Variants in ZCCHC14 observed in about 807,000 individuals in gnomAD.
The protein encoded by ZCCHC14 is zinc finger CCHC domain-containing protein 14.
ZCCHC14 carries 16 observed loss-of-function variants against 85.0 expected under a neutral mutation model. That is an observed-to-expected ratio of 0.19 (90% CI 0.13 to 0.29). The LOEUF (loss-of-function observed/expected upper bound fraction) is 0.29. Among genes scored for constraint, ZCCHC14 ranks in the 10% least tolerant of loss-of-function variants. The pLI, the probability that ZCCHC14 is intolerant of heterozygous loss-of-function variation, is 1.00. For missense variants in ZCCHC14, 1,303 were observed against 1,443.5 expected, an observed-to-expected ratio of 0.90 and a Z score of 1.58; for synonymous variants, 775 against 630.7, an observed-to-expected ratio of 1.23 and a Z score of -3.43.
In ZCCHC14 at chr16:87,409,748, C is replaced by G. The variant is rs934852484; in HGVS notation, c.*532G>C. ...TCTCAGAGGAGTTTGGCTCCCAGAA[C>G]CGCAGAGATTTACATCAGGGTACAT... On this transcript the variant is annotated 3_prime_UTR_variant, in exon 13 of 13. Coordinates refer to ENST00000671377, the MANE Select transcript of ZCCHC14 (RefSeq NM_015144.3). 4 of 152,716 alleles carry G rather than the reference C, an allele frequency of 2.6e-5. No homozygotes were observed. The highest frequency in any genetic ancestry group is 9.6e-5 in the African/African-American group (4 of 41,456). 9.5% of individuals were successfully genotyped at this position (152,716 alleles called of 1,614,324 possible).
chr16:87,467,276 G>A (rs763838899), intron 1 of ZCCHC14: 22 of 1,577,966 alleles, frequency 1.4e-5, no homozygotes, highest in Non-Finnish European at 1.8e-5. Flanking sequence ...TAAGGATAAT[G>A]GAGATCTGGT....
chr16:87,466,528 T>C (rs1341452532), intron 1 of ZCCHC14, among the ~76,000 whole-genome samples: 1 of 152,222 alleles, frequency 6.6e-6, no homozygotes, highest in Non-Finnish European at 1.5e-5. Context: ...AAGAAACATA[T>C]TTTAAATGCA....
intron 3 of ZCCHC14, among the ~76,000 whole-genome samples, chr16:87,426,237 C>T (rs566657290): frequency 3.5e-4 from 53 of 152,268 alleles, no homozygotes; most frequent in Middle Eastern, 6.8e-3. Context: ...GGGAACCGGC[C>T]GTTAGAGGGG....
chr16:87,454,271 T>G (rs12920177), intron 2 of ZCCHC14, among the ~76,000 whole-genome samples: 5 of 152,150 alleles, frequency 3.3e-5, no homozygotes, highest in African/African-American at 1.2e-4. Context: ...AAAGTTTCTG[T>G]TGTAGTGCAA....
rs560948430 is a variant in ZCCHC14 at position 87,406,656 on chromosome 16, G to A, written c.*3624C>T. 8.5e-5 allele frequency: 13 copies of A among 152,264 alleles called. No individual in the cohort carries two copies. Among genetic ancestry groups the A allele is most frequent in the Non-Finnish European group, 1.6e-4 (11 of 68,058 alleles). 9.4% of individuals were successfully genotyped at this position (152,264 alleles called of 1,614,324 possible). A position where few individuals can be genotyped will look rare whatever the true frequency, so the allele number is the denominator to read the frequency against. ...GTTACAACGCACGTGAGGCCGCGGC[G>A]GATGGCCACTGCCCCCTTCCTTGGT... On this transcript the variant is annotated 3_prime_UTR_variant, in exon 13 of 13. Coordinates refer to ENST00000671377, the MANE Select transcript of ZCCHC14 (RefSeq NM_015144.3).
intron 1 of ZCCHC14, among the ~76,000 whole-genome samples, chr16:87,462,219 G>T (rs1054604874): frequency 1.3e-5 from 2 of 150,852 alleles, no homozygotes; most frequent in Non-Finnish European, 2.9e-5. Context: ...AAAATTTTTT[G>T]AATTTCTTAT....
chr16:87,419,015 G>T, intron 6 of ZCCHC14, 114 bp from the exon 7 acceptor site: 1 of 999,246 alleles, frequency 1.0e-6, no homozygotes, highest in Non-Finnish European at 1.4e-6. Flanking sequence ...GGAGAGCAAT[G>T]GTGCGATCTC....
At chr16:87,487,441 G>A (rs1014158663) in intron 1 of ZCCHC14, among the ~76,000 whole-genome samples, 22 of 152,296 alleles carry the variant, frequency 1.4e-4, no homozygotes, top group Admixed American at 4.6e-4. Context: ...CCCCATACCT[G>A]TCGCTGACCA....
In ZCCHC14 at chr16:87,460,077, C is replaced by A. The variant is rs1159394110; in HGVS notation, c.625G>T (p.Ala209Ser). Residue 209 changes from alanine to serine, a missense_variant, in exon 2 of 13, where the codon GCC becomes TCC. Physicochemically the swap from Ala to Ser is moderately conservative, Grantham distance 99 (BLOSUM62 1). Transcript: ENST00000671377. ...VSSVSNSLENALHTSAHSTEE... is the reference protein window; with the variant it reads ...VSSVSNSLENSLHTSAHSTEE... The stretch of plus-strand genomic sequence containing the variant: ...GTGGAATGTGCTGATGTGTGCAGGG[C>A]ATTCTCCAAACTATTACTGACACTG... The A allele has an allele frequency of 2.5e-6, 4 of 1,614,172 alleles. No homozygotes were observed. The highest frequency in any genetic ancestry group is 3.4e-6 in the Non-Finnish European group (4 of 1,180,038).
intron 3 of ZCCHC14, among the ~76,000 whole-genome samples, chr16:87,425,560 G>A (rs1439506046): frequency 6.7e-6 from 1 of 150,122 alleles, no homozygotes; most frequent in Non-Finnish European, 1.5e-5. Context: ...TGGGCAACAA[G>A]AGCGAAACTC....
chr16:87,443,582 A>T (rs994753965), intron 2 of ZCCHC14, among the ~76,000 whole-genome samples: 2 of 152,070 alleles, frequency 1.3e-5, no homozygotes, highest in Non-Finnish European at 2.9e-5. Flanking sequence ...CTAAAAATTT[A>T]AAAAATTAGC....
At chr16:87,448,155 T>C (rs1275446970) in intron 2 of ZCCHC14, among the ~76,000 whole-genome samples, 1 of 152,218 alleles carries the variant, frequency 6.6e-6, no homozygotes, top group Non-Finnish European at 1.5e-5. Context: ...ATAGGCTGTA[T>C]TCCTAATCTG....
At chr16:87,455,287 C>G (rs1301423180) in intron 2 of ZCCHC14, among the ~76,000 whole-genome samples, 2 of 150,612 alleles carry the variant, frequency 1.3e-5, no homozygotes, top group Non-Finnish European at 3.0e-5. Flanking sequence ...AAACTCCGTC[C>G]CCCCCCGCCC....
chr16:87,487,820 G>C (rs1206882229), intron 1 of ZCCHC14, among the ~76,000 whole-genome samples: 2 of 152,210 alleles, frequency 1.3e-5, no homozygotes, highest in African/African-American at 4.8e-5. Context: ...AGGAGGAAGT[G>C]CTGACACACC....
intron 3 of ZCCHC14, among the ~76,000 whole-genome samples, chr16:87,429,369 G>A (rs551232590): frequency 6.6e-6 from 1 of 152,238 alleles, no homozygotes; most frequent in East Asian, 1.9e-4. Context: ...TGTGGAGACA[G>A]GGTCTCACTG....
rs1242449084 is a variant in ZCCHC14 at position 87,409,369 on chromosome 16, TCA to T, written c.*909_*910del. 6.6e-6 allele frequency: 1 copy of T among 152,220 alleles called. No individual in the cohort carries two copies. The highest frequency in any genetic ancestry group is 2.4e-5 in the African/African-American group (1 of 41,444). 9.4% of individuals were successfully genotyped at this position (152,220 alleles called of 1,614,324 possible). On this transcript the variant is annotated 3_prime_UTR_variant, in exon 13 of 13. Coordinates refer to ENST00000671377, the MANE Select transcript of ZCCHC14 (RefSeq NM_015144.3). ...ACTCTGCTGAGGACGTGCAGCATCCTCACAGCCACTCACAGAGCCGCGCTGTC... is the reference window on the plus strand; with the variant it reads ...ACTCTGCTGAGGACGTGCAGCATCCTCAGCCACTCACAGAGCCGCGCTGTC...
intron 1 of ZCCHC14, among the ~76,000 whole-genome samples, chr16:87,482,979 T>A (rs1038340163): frequency 6.6e-6 from 1 of 151,938 alleles, no homozygotes; most frequent in African/African-American, 2.4e-5. Context: ...AAACGCATTA[T>A]ACATTATGCA....
intron 1 of ZCCHC14, chr16:87,467,511 T>C: frequency 6.2e-7 from 1 of 1,606,566 alleles, no homozygotes; most frequent in Non-Finnish European, 8.5e-7. Flanking sequence ...GAATACAGCA[T>C]CCCTTTCTCA....
intron 2 of ZCCHC14, among the ~76,000 whole-genome samples, chr16:87,452,658 A>G (rs1021910982): frequency 6.6e-6 from 1 of 152,140 alleles, no homozygotes; most frequent in Non-Finnish European, 1.5e-5. Context: ...GACATTTCAC[A>G]ATTTAAAAAA....
Sources: gnomAD v4.1 joint callset for allele counts (sites outside exome capture counted in the v4.1 genomes callset) on GRCh38, gnomAD v4.1.1 for gene constraint, MANE v1.5 for transcripts, NCBI Gene and HGNC (gene_info 2026-07-23, HGNC 2026-07-21) for gene names.